The following FBXO28 variants were observed in gnomAD, a reference collection of about 807,000 sequenced individuals.
FBXO28 encodes the protein F-box only protein 28.
A neutral mutation model predicts 38.1 loss-of-function variants in FBXO28; 8 were observed. The ratio of observed to expected loss-of-function variants is 0.21; its 90% CI spans 0.12 to 0.38. The LOEUF is 0.38. Ranked by LOEUF, FBXO28 falls within the 10% of genes least tolerant of loss-of-function variation. The probability of loss-of-function intolerance (pLI) is 1.00; values close to 1 mark genes in which losing one functional copy is unlikely to be tolerated. For synonymous variants in FBXO28, 168 were observed against 173.8 expected (o/e 0.97, Z 0.26); for missense variants, 345 against 460.6 (o/e 0.75, Z 2.30).
intron 1 of FBXO28, among the ~76,000 whole-genome samples, chr1:224,119,939 A>C (rs16856443): frequency 0.14 from 21,806 of 152,188 alleles, 1,652 homozygotes; most frequent in Middle Eastern, 0.23. Flanking sequence ...GTCAGATTTA[A>C]GAAACTGTTT....
chr1:224,142,659 TAAA>T (rs1009599213), intron 3 of FBXO28, among the ~76,000 whole-genome samples: 1 of 151,380 alleles, frequency 6.6e-6, no homozygotes, highest in Non-Finnish European at 1.5e-5. Flanking sequence ...CTACTAAAAA[TAAA>T]AAAATTGCCA....
chr1:224,132,010 TG>T (rs1351148077), intron 2 of FBXO28, among the ~76,000 whole-genome samples: 1 of 152,114 alleles, frequency 6.6e-6, no homozygotes, highest in Non-Finnish European at 1.5e-5. Flanking sequence ...CCCAGCATGT[TG>T]GGGGACTGAG....
At chr1:224,117,503 G>C (rs1238016041) in intron 1 of FBXO28, among the ~76,000 whole-genome samples, 1 of 151,850 alleles carries the variant, frequency 6.6e-6, no homozygotes, top group East Asian at 1.9e-4. Flanking sequence ...TGAGTCTGGT[G>C]GTTTCACAGA....
Position 224,160,007 on chromosome 1 carries a change from C to A in FBXO28, c.*2261C>A, listed in dbSNP as rs1412454198. The A allele has an allele frequency of 6.6e-6, 1 of 152,140 alleles. No individual in the cohort carries two copies. The highest frequency in any genetic ancestry group is 6.5e-5 in the Admixed American group (1 of 15,276). 9.4% of individuals were successfully genotyped at this position (152,140 alleles called of 1,614,324 possible). A position where few individuals can be genotyped will look rare whatever the true frequency, so the allele number is the denominator to read the frequency against. ...TAATCATCTATTCATAAAGCTAATT[C>A]ATTGTACTTGTTAATGCATGAATGT... On this transcript the variant is annotated 3_prime_UTR_variant, in exon 5 of 5. Transcript: ENST00000366862.
At chr1:224,146,603 G>A (rs2102630062) in intron 3 of FBXO28, among the ~76,000 whole-genome samples, 1 of 151,808 alleles carries the variant, frequency 6.6e-6, no homozygotes, top group Admixed American at 6.6e-5. Flanking sequence ...TTCTAGCTAT[G>A]TTGCTCTTGA....
At chr1:224,137,209 T>C (rs561316038) in intron 3 of FBXO28, among the ~76,000 whole-genome samples, 2 of 151,894 alleles carry the variant, frequency 1.3e-5, no homozygotes, top group East Asian at 3.9e-4. Context: ...GCCAAATATG[T>C]ACCAAAATTT....
intron 1 of FBXO28, among the ~76,000 whole-genome samples, chr1:224,123,397 C>T (rs910704820): frequency 7.7e-5 from 10 of 129,362 alleles, no homozygotes; most frequent in African/African-American, 1.8e-4. Context: ...AAGCCGTGAT[C>T]GTGCCACTCC....
chr1:224,136,547 C>T (rs1475789582), intron 3 of FBXO28, among the ~76,000 whole-genome samples: 7 of 151,180 alleles, frequency 4.6e-5, no homozygotes, highest in Non-Finnish European at 7.4e-5. Flanking sequence ...CATGGTGAAA[C>T]CCCATCTCTA....
intron 2 of FBXO28, chr1:224,130,970 C>G (rs188694431): frequency 1.9e-5 from 3 of 154,742 alleles, no homozygotes; most frequent in Admixed American, 1.3e-4. Flanking sequence ...TATACACTAG[C>G]AATGAACAAT....
intron 2 of FBXO28, 93 bp from the exon 3 acceptor site, chr1:224,133,981 G>A (rs1323351673): frequency 1.2e-6 from 1 of 852,864 alleles, no homozygotes; most frequent in Non-Finnish European, 1.7e-6. Context: ...ACATGTAAAA[G>A]ACTGTTTCAT....
intron 4 of FBXO28, among the ~76,000 whole-genome samples, chr1:224,155,636 G>C (rs1190472956): frequency 6.6e-6 from 1 of 152,182 alleles, no homozygotes; most frequent in Non-Finnish European, 1.5e-5. Context: ...AATTAGGAAA[G>C]AATTTAGTAA....
At chr1:224,145,006 G>T (rs574646544) in intron 3 of FBXO28, among the ~76,000 whole-genome samples, 7 of 152,010 alleles carry the variant, frequency 4.6e-5, no homozygotes, top group Admixed American at 6.6e-5. Context: ...TAGGGGCCGG[G>T]CGCGGTGGCT....
At chr1:224,117,431 ATTTATTTTAT>A (rs145819546) in intron 1 of FBXO28, among the ~76,000 whole-genome samples, 5,884 of 151,726 alleles carry the variant, frequency 0.039, 340 homozygotes, top group African/African-American at 0.13. Flanking sequence ...GCCTGAATTT[ATTTATTTTAT>A]TTTATTTTAT....
chr1:224,145,647 GC>G (rs1657484160), intron 3 of FBXO28, among the ~76,000 whole-genome samples: 1 of 152,182 alleles, frequency 6.6e-6, no homozygotes, highest in African/African-American at 2.4e-5. Context: ...TTGAGGCCAG[GC>G]CTGGTAGCTC....
At chr1:224,153,520 G>A (rs1657694980) in intron 4 of FBXO28, among the ~76,000 whole-genome samples, 183 bp downstream of exon 4, 1 of 152,118 alleles carries the variant, frequency 6.6e-6, no homozygotes, top group East Asian at 1.9e-4. Flanking sequence ...CTCATTTCTT[G>A]TTTCTAGCTT....
Position 224,134,143 on chromosome 1 carries a change from G to A in FBXO28, c.447G>A (p.Arg149=). The A allele has an allele frequency of 1.2e-6, 2 of 1,611,110 alleles. No individual in the cohort carries two copies. Among genetic ancestry groups the A allele is most frequent in the Non-Finnish European group, 1.7e-6 (2 of 1,178,726 alleles). Residue 149 remains arginine (R), a synonymous_variant, in exon 3 of 5, where the codon AGG becomes AGA. Transcript: ENST00000366862. ...HADILAAVET[R]LSLLNMTFMK... Reference sequence around the variant, plus strand: ...ACATTCTTGCTGCTGTTGAAACAAGGCTGTCACTATTAAATATGACTTTCA... The same window carrying A: ...ACATTCTTGCTGCTGTTGAAACAAGACTGTCACTATTAAATATGACTTTCA...
rs968512198 is a variant in FBXO28, at chr1:224,133,975, G to A, written c.378-99G>A. 3.7e-6 allele frequency: 3 copies of A among 812,764 alleles called. No homozygotes were observed. The African/African-American group carries it at 5.4e-5, about 15-fold the overall frequency. The allele number at this position is 812,764 out of a possible 1,614,324, so 50.3% of individuals were successfully genotyped here. On this transcript the variant is annotated intron_variant, in intron 2 of 4. Coordinates refer to ENST00000366862, the MANE Select transcript of FBXO28 (RefSeq NM_015176.4). ...CAACTGTAGATTTCTAAATTAACAT[G>A]TAAAAGACTGTTTCATTAAGCCATC...
rs189379049 is a variant in FBXO28, at chr1:224,153,564, G to A, written c.712+227G>A. On this transcript the variant is annotated intron_variant, in intron 4 of 4. Coordinates refer to ENST00000366862, the MANE Select transcript of FBXO28 (RefSeq NM_015176.4). Reference sequence around the variant, plus strand: ...TTATACTCTGAAGAACAATCTGAGCGGTCTTGCGACTAAATCTTTGCACAT... The same window carrying A: ...TTATACTCTGAAGAACAATCTGAGCAGTCTTGCGACTAAATCTTTGCACAT... Among the ~76,000 whole-genome samples the A allele has an allele frequency of 8.6e-4, 131 of 152,208 alleles. 1 individual carries two copies. Among genetic ancestry groups the A allele is most frequent in the Non-Finnish European group, 1.6e-3 (112 of 68,002 alleles).
At position 224,114,387 on chromosome 1, in the gene FBXO28, G is replaced by T. The variant is rs772433559; in HGVS notation, c.258G>T (p.Gln86His). ...TTATGTCCTACGACGAAATTAGCCA[G>T]CTCCGCCTGGTGAGGCCCCCGCAGA... The part of the protein sequence containing the change: ...LSFMSYDEIS[Q>H]LRLVCKRMDL... The change falls in exon 1 of 5, where the codon CAG becomes CAT. Residue 86 changes from glutamine to histidine, a missense_variant. Coordinates refer to ENST00000366862, the MANE Select transcript of FBXO28 (RefSeq NM_015176.4). 2 of 1,581,728 alleles carry T rather than the reference G, an allele frequency of 1.3e-6. No individual in the cohort carries two copies. Among genetic ancestry groups the T allele is most frequent in the Non-Finnish European group, 1.7e-6 (2 of 1,161,896 alleles).
Sources: gnomAD v4.1 joint callset for allele counts (sites outside exome capture counted in the v4.1 genomes callset) on GRCh38, gnomAD v4.1.1 for gene constraint, MANE v1.5 for transcripts, NCBI Gene and HGNC (gene_info 2026-07-23, HGNC 2026-07-21) for gene names.